Variants in AOAH observed in about 807,000 individuals in gnomAD.
AOAH encodes acyloxyacyl hydrolase.
In AOAH, 64 loss-of-function variants were observed where a neutral mutation model predicts 92.2. That is an observed-to-expected ratio of 0.69 (90% CI 0.57 to 0.86). AOAH has a LOEUF of 0.86. AOAH is among the 40% of genes least tolerant of loss of function. The pLI, the probability that AOAH is intolerant of heterozygous loss-of-function variation, is 0.00. For synonymous variants in AOAH, 263 were observed against 254.5 expected (o/e 1.03, Z -0.32); for missense variants, 656 against 694.6 (o/e 0.94, Z 0.62).
At chr7:36,682,924 GAACA>G (rs1296931719) in intron 2 of AOAH, among the ~76,000 whole-genome samples, 2 of 151,886 alleles carry the variant, frequency 1.3e-5, no homozygotes, top group Non-Finnish European at 2.9e-5. Flanking sequence ...CAAGGAAACC[GAACA>G]AACACTAAAA....
chr7:36,588,560 T>C (rs1211957528), intron 12 of AOAH, among the ~76,000 whole-genome samples: 1 of 152,246 alleles, frequency 6.6e-6, no homozygotes, highest in Non-Finnish European at 1.5e-5. Flanking sequence ...ATTAGGCCCA[T>C]TAGTGTTTAG....
chr7:36,644,245 GCA>G (rs1397321455), intron 4 of AOAH, among the ~76,000 whole-genome samples: 3 of 152,076 alleles, frequency 2.0e-5, no homozygotes, highest in Non-Finnish European at 4.4e-5. Context: ...CCAATGAGTG[GCA>G]CAGTCCAGAT....
chr7:36,515,705 C>A (rs1277352934), intron 20 of AOAH, among the ~76,000 whole-genome samples: 51 of 126,434 alleles, frequency 4.0e-4, no homozygotes, highest in Admixed American at 1.9e-3. Flanking sequence ...AATCACACAC[C>A]CCCCCACACA....
At position 36,711,155 on chromosome 7, in the gene AOAH, T is replaced by C. The variant is rs185731619; in HGVS notation, c.127+12867A>G. On this transcript the variant is annotated intron_variant, in intron 1 of 20. Coordinates refer to ENST00000617537, the MANE Select transcript of AOAH (RefSeq NM_001637.4). ...AGAAGGAAATATAAATCACTAGTAATGTCTTCATTTAGAGACAGCCATGTA... is the reference window on the plus strand; with the variant it reads ...AGAAGGAAATATAAATCACTAGTAACGTCTTCATTTAGAGACAGCCATGTA... Among the ~76,000 whole-genome samples the C allele has an allele frequency of 5.3e-5, 8 of 152,284 alleles. No homozygotes were observed. The East Asian group carries it at 1.4e-3, about 26-fold the overall frequency.
rs182357351 is a variant in AOAH at position 36,672,898 on chromosome 7, A to G, written c.290+1045T>C. On this transcript the variant is annotated intron_variant, in intron 3 of 20. Transcript: ENST00000617537. ...AAATGTTTATAATAACATGTATTAT[A>G]TGATAATGAATGATTTATATTTGTA... Among the ~76,000 whole-genome samples the G allele has an allele frequency of 2.7e-3, 413 of 152,336 alleles. 1 individual carries two copies. Among genetic ancestry groups the G allele is most frequent in the African/African-American group, 9.5e-3 (395 of 41,584 alleles).
At chr7:36,517,178 C>CTT (rs1314649303) in intron 20 of AOAH, among the ~76,000 whole-genome samples, 1 of 56,080 alleles carries the variant, frequency 1.8e-5, no homozygotes, top group African/African-American at 6.1e-5. Flanking sequence ...TTCTTTCTTT[C>CTT]TTTCTTTCTT....
At chr7:36,557,209 A>G (rs1047736036) in intron 13 of AOAH, among the ~76,000 whole-genome samples, 2 of 152,016 alleles carry the variant, frequency 1.3e-5, no homozygotes, top group East Asian at 1.9e-4. Flanking sequence ...GCATTTGCTT[A>G]TCTGTAAAGG....
intron 11 of AOAH, among the ~76,000 whole-genome samples, chr7:36,610,494 TAAC>T (rs1791377573): frequency 8.5e-6 from 1 of 118,256 alleles, no homozygotes; most frequent in African/African-American, 3.7e-5. Flanking sequence ...ATTGGCTTTA[TAAC>T]TTTTTTTTTT....
chr7:36,632,862 C>T (rs1426781865), intron 5 of AOAH, among the ~76,000 whole-genome samples: 1 of 152,216 alleles, frequency 6.6e-6, no homozygotes, highest in Non-Finnish European at 1.5e-5. Context: ...AGAGAATCAG[C>T]AACCGTTTCA....
chr7:36,544,147 A>C (rs1011494285), intron 15 of AOAH, among the ~76,000 whole-genome samples: 5 of 151,794 alleles, frequency 3.3e-5, no homozygotes, highest in African/African-American at 7.3e-5. Flanking sequence ...GGGTTTTACC[A>C]TGTTGGCCAG....
Position 36,516,591 on chromosome 7 carries a change from C to T in AOAH, c.1600-3211G>A, listed in dbSNP as rs1783731096. On this transcript the variant is annotated intron_variant, in intron 20 of 20. Coordinates refer to ENST00000617537, the MANE Select transcript of AOAH (RefSeq NM_001637.4). This position sits in a 1 kb window ranked among gnomAD's most constrained non-coding sequence, Gnocchi z 5.0. ...AGCTGGCCAGTGCTCCAGGGAGGGC[C>T]GGATCATCTCTCACACAAAGTGATC... Among the ~76,000 whole-genome samples the T allele has an allele frequency of 6.6e-6, 1 of 152,172 alleles. No individual in the cohort carries two copies. Among genetic ancestry groups the T allele is most frequent in the African/African-American group, 2.4e-5 (1 of 41,426 alleles).
intron 1 of AOAH, among the ~76,000 whole-genome samples, chr7:36,712,281 T>A (rs1798818023): frequency 6.6e-6 from 1 of 152,196 alleles, no homozygotes; most frequent in Non-Finnish European, 1.5e-5. Context: ...GGTATGCGGG[T>A]GTGGAGAGGG....
At chr7:36,646,053 A>G (rs765471105) in intron 4 of AOAH, among the ~76,000 whole-genome samples, 1 of 152,184 alleles carries the variant, frequency 6.6e-6, no homozygotes, top group Non-Finnish European at 1.5e-5. Context: ...CCTTTTCCTG[A>G]CATTATTATT....
intron 1 of AOAH, among the ~76,000 whole-genome samples, chr7:36,701,915 T>A (rs1222460733): frequency 6.6e-6 from 1 of 152,058 alleles, no homozygotes; most frequent in Admixed American, 6.6e-5. Context: ...TCTCATAACA[T>A]TTTTTAGTAA....
intron 13 of AOAH, among the ~76,000 whole-genome samples, chr7:36,565,622 T>G: frequency 6.6e-6 from 1 of 151,722 alleles, no homozygotes; most frequent in South Asian, 2.1e-4. Flanking sequence ...AGGCTCTACC[T>G]CTGGGGCTCA....
intron 13 of AOAH, among the ~76,000 whole-genome samples, chr7:36,560,257 T>A (rs1787161306): frequency 6.6e-6 from 1 of 152,226 alleles, no homozygotes; most frequent in Non-Finnish European, 1.5e-5. Context: ...AGTTTTTTTA[T>A]AATTCTGTGA....
chr7:36,712,562 C>T (rs1798838153), intron 1 of AOAH, among the ~76,000 whole-genome samples: 1 of 152,148 alleles, frequency 6.6e-6, no homozygotes, highest in Admixed American at 6.5e-5. Context: ...GAAAGAGGCA[C>T]AGCCTGTTCA....
chr7:36,551,896 A>T (rs1258308396), intron 13 of AOAH, among the ~76,000 whole-genome samples: 1 of 152,126 alleles, frequency 6.6e-6, no homozygotes, highest in Non-Finnish European at 1.5e-5. Context: ...GCAAGGAATC[A>T]TTATTATTAT....
chr7:36,619,900 C>A (rs72630163), intron 9 of AOAH, among the ~76,000 whole-genome samples: 1 of 152,080 alleles, frequency 6.6e-6, no homozygotes. Flanking sequence ...ATTACTTTTG[C>A]ACCAACATAA....
Sources: allele counts gnomAD v4.1 joint callset (sites outside exome capture counted in the v4.1 genomes callset), GRCh38; gene constraint gnomAD v4.1.1; non-coding constraint Gnocchi (gnomAD v3.1); transcripts MANE v1.5; gene names NCBI Gene and HGNC (gene_info 2026-07-23, HGNC 2026-07-21).